Variants in SLC9A8 observed in about 807,000 individuals in gnomAD.
SLC9A8 encodes the protein solute carrier family 9 member A8.
A neutral mutation model predicts 66.6 loss-of-function variants in SLC9A8; 48 were observed. The observed-to-expected ratio is 0.72, with a 90% CI of 0.57 to 0.92. SLC9A8 has a LOEUF of 0.92. Among genes scored for constraint, SLC9A8 ranks in the 40% least tolerant of loss-of-function variants. SLC9A8 has a pLI of 0.00. For missense variants in SLC9A8, 599 were observed against 747.3 expected (o/e 0.80, Z 2.31); for synonymous variants, 274 against 282.6 (o/e 0.97, Z 0.31).
chr20:49,866,525 T>C (rs1238884615), intron 10 of SLC9A8, among the ~76,000 whole-genome samples: 3 of 152,234 alleles, frequency 2.0e-5, no homozygotes, highest in East Asian at 1.9e-4. Flanking sequence ...ACCACACTTA[T>C]TTTAATTTAA....
At chr20:49,842,421 T>C (rs1258052290) in intron 4 of SLC9A8, among the ~76,000 whole-genome samples, 1 of 152,186 alleles carries the variant, frequency 6.6e-6, no homozygotes, top group Non-Finnish European at 1.5e-5. Flanking sequence ...AAACTAATAT[T>C]GTTTTGTAAA....
At chr20:49,813,999 G>C (rs1056734363) in intron 1 of SLC9A8, among the ~76,000 whole-genome samples, 1 of 152,152 alleles carries the variant, frequency 6.6e-6, no homozygotes, top group Non-Finnish European at 1.5e-5. Context: ...TGTGGAATGA[G>C]TATGTGAAGA....
At chr20:49,872,457 CTTTTT>C (rs3067539) in intron 10 of SLC9A8, among the ~76,000 whole-genome samples, 1 of 146,938 alleles carries the variant, frequency 6.8e-6, no homozygotes, top group East Asian at 2.0e-4. Flanking sequence ...GATTTTCACC[CTTTTT>C]TTTTTTTTTA....
chr20:49,878,727 A>G (rs531961662), intron 12 of SLC9A8, among the ~76,000 whole-genome samples: 2 of 152,320 alleles, frequency 1.3e-5, no homozygotes, highest in Admixed American at 6.5e-5. Flanking sequence ...TACAGAAAGT[A>G]TAATAGCCTA....
intron 2 of SLC9A8, among the ~76,000 whole-genome samples, chr20:49,815,652 C>T (rs188892907): frequency 1.3e-5 from 2 of 151,450 alleles, no homozygotes; most frequent in East Asian, 1.9e-4. Context: ...GGCTGAGGCA[C>T]GAGAATCACT....
Position 49,886,749 on chromosome 20 carries a change from C to T in SLC9A8, c.1492-3C>T, listed in dbSNP as rs765570597. 1 of 1,611,968 alleles carries T rather than the reference C, an allele frequency of 6.2e-7. No homozygotes were observed. Among genetic ancestry groups the T allele is most frequent in the South Asian group, 1.1e-5 (1 of 90,616 alleles). On this transcript the variant is annotated splice_polypyrimidine_tract_variant and splice_region_variant and intron_variant, in intron 14 of 15. Coordinates refer to ENST00000361573, the MANE Select transcript of SLC9A8 (RefSeq NM_015266.3). The surrounding 1 kb of genome is among the most constrained non-coding windows in gnomAD (Gnocchi z 4.8). ...CGTCGGGCCGCCTTTCCTCCCTGCTCAGGGCAACACTGTGGAGTCGGAGCA... is the reference window on the plus strand; with the variant it reads ...CGTCGGGCCGCCTTTCCTCCCTGCTTAGGGCAACACTGTGGAGTCGGAGCA...
At chr20:49,871,223 GTATGT>G (rs1438310463) in intron 10 of SLC9A8, among the ~76,000 whole-genome samples, 2 of 152,126 alleles carry the variant, frequency 1.3e-5, no homozygotes, top group Non-Finnish European at 2.9e-5. Context: ...CCCTCAAGAA[GTATGT>G]TATATTTTAC....
rs7270636 is a variant in SLC9A8 at position 49,886,924 on chromosome 20, T to C, written c.1638+26T>C. The C allele has an allele frequency of 0.077, 124,052 of 1,602,330 alleles. 5,293 individuals carry two copies. Among genetic ancestry groups the C allele is most frequent in the African/African-American group, 0.16 (12,224 of 74,786 alleles). ...GTGGGATACCGGCCAGGCCACACTT[T>C]CTGGGGGTCCCTTGCCTGCCTCCTT... On this transcript the variant is annotated intron_variant, in intron 15 of 15. Coordinates refer to ENST00000361573, the MANE Select transcript of SLC9A8 (RefSeq NM_015266.3). This position sits in a 1 kb window ranked among gnomAD's most constrained non-coding sequence, Gnocchi z 4.8.
intron 1 of SLC9A8, among the ~76,000 whole-genome samples, chr20:49,813,606 C>T (rs1052557714): frequency 3.3e-5 from 5 of 152,134 alleles, no homozygotes; most frequent in Admixed American, 6.5e-5. Flanking sequence ...AAGGTCATCG[C>T]CAAGGTCTGA....
At chr20:49,827,149 C>A (rs1253828096) in intron 3 of SLC9A8, among the ~76,000 whole-genome samples, 1 of 151,568 alleles carries the variant, frequency 6.6e-6, no homozygotes, top group African/African-American at 2.4e-5. Flanking sequence ...ACCATGTCGG[C>A]CAGGCTGGTC....
intron 13 of SLC9A8, among the ~76,000 whole-genome samples, chr20:49,882,956 C>T (rs1007552396): frequency 6.6e-6 from 1 of 152,048 alleles, no homozygotes; most frequent in Non-Finnish European, 1.5e-5. Flanking sequence ...TGAGCCTCCC[C>T]GCTTTCCTGT....
In SLC9A8 at chr20:49,849,687, A is replaced by G; in HGVS notation, c.534+7A>G. ...AATTTATTTTCTGGGTCAGGTAAGA[A>G]AATCATCTTTGAAACACTTTGAAAG... On this transcript the variant is annotated splice_region_variant and intron_variant, in intron 6 of 15. Transcript: ENST00000361573. 1 of 1,595,646 alleles carries G rather than the reference A, an allele frequency of 6.3e-7. No homozygotes were observed. Among genetic ancestry groups the G allele is most frequent in the Non-Finnish European group, 8.6e-7 (1 of 1,163,352 alleles).
intron 4 of SLC9A8, among the ~76,000 whole-genome samples, chr20:49,841,394 G>T (rs1015712243): frequency 1.3e-5 from 2 of 151,710 alleles, no homozygotes; most frequent in Non-Finnish European, 2.9e-5. Flanking sequence ...TAGGATTCCT[G>T]CCTGGAAACC....
intron 12 of SLC9A8, among the ~76,000 whole-genome samples, chr20:49,880,562 G>C (rs907558039): frequency 1.3e-5 from 2 of 152,148 alleles, no homozygotes; most frequent in Admixed American, 1.3e-4. Flanking sequence ...GGGCACCTTG[G>C]GAGTCAGGTT....
intron 8 of SLC9A8, among the ~76,000 whole-genome samples, chr20:49,858,998 G>A (rs1211437969): frequency 6.6e-6 from 1 of 151,926 alleles, no homozygotes; most frequent in East Asian, 1.9e-4. Context: ...ATCGTCTGTG[G>A]TAACAGTTCC....
intron 8 of SLC9A8, among the ~76,000 whole-genome samples, chr20:49,862,244 ACCCAGCC>A (rs1248394456): frequency 1.3e-5 from 2 of 151,176 alleles, no homozygotes; most frequent in Non-Finnish European, 3.0e-5. Context: ...CCAAATCTAA[ACCCAGCC>A]CCCGGCCTTT....
intron 4 of SLC9A8, among the ~76,000 whole-genome samples, chr20:49,841,043 G>C (rs1204256485): frequency 6.6e-6 from 1 of 152,114 alleles, no homozygotes; most frequent in African/African-American, 2.4e-5. Context: ...GGTGGCTCAT[G>C]CCTGTAATCC....
chr20:49,862,989 A>G lies in SLC9A8; in HGVS notation c.774A>G (p.Leu258=), dbSNP rs374554366. 1.2e-4 allele frequency: 197 copies of G among 1,613,838 alleles called. No homozygotes were observed. Among genetic ancestry groups the G allele is most frequent in the Non-Finnish European group, 1.6e-4 (190 of 1,179,790 alleles). ...MSDVSGWQTF[L]QALDYFLKMF... ...ATGTCAGTGGGTGGCAAACATTTTTACAAGCCCTTGACTACTTCCTCAAAA... is the reference window on the plus strand; with the variant it reads ...ATGTCAGTGGGTGGCAAACATTTTTGCAAGCCCTTGACTACTTCCTCAAAA... The change falls in exon 9 of 16, where the codon TTA becomes TTG. Residue 258 remains leucine, a synonymous_variant. Coordinates refer to ENST00000361573, the MANE Select transcript of SLC9A8 (RefSeq NM_015266.3).
rs2089908050 is a variant in SLC9A8, at chr20:49,886,792, A to G, written c.1532A>G (p.Glu511Gly). 6.2e-7 allele frequency: 1 copy of G among 1,613,950 alleles called. No homozygotes were observed. The highest frequency in any genetic ancestry group is 1.7e-5 in the Admixed American group (1 of 59,998). The change falls in exon 15 of 16, where the codon GAG becomes GGG. Residue 511 changes from glutamate to glycine, a missense_variant. This residue lies in a region of SLC9A8 where 467 missense variants were observed against 626.5 expected (regional missense o/e 0.75). Coordinates refer to ENST00000361573, the MANE Select transcript of SLC9A8 (RefSeq NM_015266.3). This position sits in a 1 kb window ranked among gnomAD's most constrained non-coding sequence, Gnocchi z 4.8. ...VESEHLSELT[E>G]EEYEAHYIRR... ...TCGGAGCACCTGTCGGAGCTCACGGAGGAGGAGTACGAGGCCCACTACATC... is the reference window on the plus strand; with the variant it reads ...TCGGAGCACCTGTCGGAGCTCACGGGGGAGGAGTACGAGGCCCACTACATC...
Sources: gnomAD v4.1 joint callset for allele counts (sites outside exome capture counted in the v4.1 genomes callset) on GRCh38, gnomAD v4.1.1 for gene constraint, gnomAD v4.1.1 regional missense constraint, Gnocchi (gnomAD v3.1) non-coding constraint, MANE v1.5 for transcripts, NCBI Gene and HGNC (gene_info 2026-07-23, HGNC 2026-07-21) for gene names.